Variants in NLRP7 observed in about 807,000 individuals in gnomAD.
NLRP7 encodes NLR family pyrin domain containing 7, also known as NACHT, LRR and PYD domains-containing protein 7.
Under a neutral mutation model 85.5 loss-of-function variants are expected in NLRP7, and 72 were observed. The observed-to-expected ratio is 0.84, with a 90% CI of 0.70 to 1.02. NLRP7 has a LOEUF of 1.02. Ranked by LOEUF, NLRP7 falls within the 50% of genes least tolerant of loss-of-function variation. The pLI is 0.00. For missense variants in NLRP7, 1,243 were observed against 1,219.5 expected, an observed-to-expected ratio of 1.02 and a Z score of -0.29; for synonymous variants, 550 against 505.2, an observed-to-expected ratio of 1.09 and a Z score of -1.19.
chr19:54,958,363 C>G (rs769950932), intron 1 of NLRP7, among the ~76,000 whole-genome samples: 1 of 151,944 alleles, frequency 6.6e-6, no homozygotes, highest in Non-Finnish European at 1.5e-5. Context: ...CTAGTATTGC[C>G]GGGTGCAGTG....
At chr19:54,954,550 A>C (rs909455186) in intron 1 of NLRP7, among the ~76,000 whole-genome samples, 2 of 150,662 alleles carry the variant, frequency 1.3e-5, no homozygotes, top group Non-Finnish European at 3.0e-5. Context: ...AAAAAAAAAA[A>C]AAGGGCAACC....
At chr19:54,938,852 T>C in intron 4 of NLRP7, 36 bp downstream of exon 4, 4 of 1,610,852 alleles carry the variant, frequency 2.5e-6, no homozygotes, top group Non-Finnish European at 3.4e-6. Flanking sequence ...GCTGGCCTCT[T>C]CCTAGTGGAG....
Position 54,934,440 on chromosome 19 carries a change from T to C in NLRP7, c.2471+49A>G. ...AAGTCAGGTGTTACCCTTTCTCTTCTATAGCCCCAGAACTAAACCAGAGCT... is the reference window on the plus strand; with the variant it reads ...AAGTCAGGTGTTACCCTTTCTCTTCCATAGCCCCAGAACTAAACCAGAGCT... On this transcript the variant is annotated intron_variant, in intron 7 of 9. Transcript: ENST00000340844. This position sits in a 1 kb window ranked among gnomAD's most constrained non-coding sequence, Gnocchi z 6.7. 6.3e-7 allele frequency: 1 copy of C among 1,596,558 alleles called. No homozygotes were observed. Among genetic ancestry groups the C allele is most frequent in the South Asian group, 1.1e-5 (1 of 90,704 alleles).
chr19:54,930,503 G>T lies in NLRP7; in HGVS notation c.2806C>A (p.Leu936Ile), dbSNP rs147507421. The change falls in exon 9 of 10, where the codon CTA (leucine) becomes ATA (isoleucine). Residue 936 changes from leucine (L) to isoleucine (I), a missense_variant. Leu to Ile is a conservative substitution (Grantham distance 5). Coordinates refer to ENST00000340844, the Ensembl canonical transcript of NLRP7. ...AAGAAAAAGAAAATCGCCTACCGTA[G>T]GTGTTTTAGGTTACAGTTTGGATTC... 5.3e-5 allele frequency: 85 copies of T among 1,602,534 alleles called. No individual in the cohort carries two copies. In the African/African-American group the frequency reaches 1.1e-3, roughly 21 times the overall value.
Position 54,928,087 on chromosome 19 carries a change from G to T in NLRP7, c.2810+2412C>A, listed in dbSNP as rs269936. 0.55 allele frequency among the ~76,000 whole-genome samples: 84,170 copies of T among 151,762 alleles called. 23,567 individuals are homozygous for T. The highest frequency in any genetic ancestry group is 0.71 in the East Asian group (3,681 of 5,152). ...TACAAAAAATTAGCCATGCATGGTG[G>T]TGTGTGCCTTTAATGCTAGCTACTT... On this transcript the variant is annotated intron_variant, in intron 9 of 9. Transcript: ENST00000340844.
chr19:54,956,407 G>A (rs1272368049), intron 1 of NLRP7, among the ~76,000 whole-genome samples: 1 of 151,642 alleles, frequency 6.6e-6, no homozygotes, highest in Admixed American at 6.6e-5. Flanking sequence ...AGGAAAAACA[G>A]GACTGGGTAT....
intron 5 of NLRP7, among the ~76,000 whole-genome samples, chr19:54,936,904 G>T (rs143357589): frequency 0.023 from 3,519 of 150,584 alleles, 64 homozygotes; most frequent in Admixed American, 0.042. Context: ...AACAGAGCAA[G>T]ACTCCATCTC....
intron 1 of NLRP7, among the ~76,000 whole-genome samples, chr19:54,963,966 C>T (rs1383895250): frequency 1.3e-5 from 2 of 150,018 alleles, no homozygotes; most frequent in Admixed American, 6.6e-5. Context: ...CTGCAACCTC[C>T]GCCTCCTGGG....
chr19:54,954,254 G>A (rs956493050), intron 1 of NLRP7, among the ~76,000 whole-genome samples: 5 of 148,490 alleles, frequency 3.4e-5, no homozygotes, highest in East Asian at 2.0e-4. Flanking sequence ...CCGGCCGGGC[G>A]CGGTGGTCAC....
chr19:54,949,201 C>T (rs2069591476), upstream of NLRP7, among the ~76,000 whole-genome samples: 1 of 151,706 alleles, frequency 6.6e-6, no homozygotes, highest in Admixed American at 6.6e-5. Flanking sequence ...TTGATTGAAC[C>T]TGGGAGTTGG....
chr19:54,940,147 T>C (rs1412743706), exon 4 of NLRP7: 3 of 1,614,076 alleles, frequency 1.9e-6, no homozygotes, highest in African/African-American at 1.3e-5. Context: ...AGATCAGCTC[T>C]GCAAAACTGC....
intron 1 of NLRP7, among the ~76,000 whole-genome samples, chr19:54,953,744 T>C (rs1360209470): frequency 1.3e-5 from 2 of 151,892 alleles, no homozygotes; most frequent in Non-Finnish European, 2.9e-5. Context: ...GGCTCACACC[T>C]GTAATCCCAG....
At chr19:54,956,711 G>A (rs146734122) in intron 1 of NLRP7, among the ~76,000 whole-genome samples, 4,552 of 150,856 alleles carry the variant, frequency 0.03, 77 homozygotes, top group Middle Eastern at 0.048. Context: ...AAAAAAGGCC[G>A]GGCGCAGTGG....
intron 1 of NLRP7, among the ~76,000 whole-genome samples, chr19:54,963,714 T>A (rs1344990922): frequency 6.6e-6 from 1 of 150,814 alleles, no homozygotes; most frequent in Non-Finnish European, 1.5e-5. Flanking sequence ...ATCCCAGCTA[T>A]TCAGGAGGCT....
intron 8 of NLRP7, among the ~76,000 whole-genome samples, chr19:54,931,589 G>C (rs2146175420): frequency 6.6e-6 from 1 of 152,228 alleles, no homozygotes; most frequent in South Asian, 2.1e-4. Context: ...TCAGGAGGCT[G>C]AGGCAGGAGA....
At position 54,942,614 on chromosome 19, in the gene NLRP7, C is replaced by T. The variant is rs112546209; in HGVS notation, c.-39-864G>A. Reference sequence around the variant, plus strand: ...CTGTAATCCCAGCTACTCAGGAGGCCGAGACAGGAGAATCACACTTGAACC... The same window carrying T: ...CTGTAATCCCAGCTACTCAGGAGGCTGAGACAGGAGAATCACACTTGAACC... On this transcript the variant is annotated intron_variant, in intron 1 of 9. Transcript: ENST00000340844. 6.1e-3 allele frequency among the ~76,000 whole-genome samples: 923 copies of T among 151,768 alleles called. 15 individuals carry two copies. Among genetic ancestry groups the T allele is most frequent in the African/African-American group, 0.022 (893 of 41,402 alleles).
rs548503018 is a variant in NLRP7, at chr19:54,964,041, G to C, written c.-77+1999C>G. Reference sequence around the variant, plus strand: ...ATTACAGGCACCCGCCACCACGCCCGACTAATTTTTTGTATTTTTAGTTGA... The same window carrying C: ...ATTACAGGCACCCGCCACCACGCCCCACTAATTTTTTGTATTTTTAGTTGA... On this transcript the variant is annotated intron_variant, in intron 1 of 2. Transcript: ENST00000587103. 5.5e-4 allele frequency among the ~76,000 whole-genome samples: 82 copies of C among 148,826 alleles called. 1 individual carries two copies. Among genetic ancestry groups the C allele is most frequent in the Admixed American group, 1.0e-3 (15 of 14,846 alleles).
chr19:54,946,687 TG>T (rs1431495573), intron 1 of NLRP7, among the ~76,000 whole-genome samples: 2 of 152,038 alleles, frequency 1.3e-5, no homozygotes, highest in Non-Finnish European at 2.9e-5. Flanking sequence ...TCTCCCAGGC[TG>T]GAGTGCAGTG....
intron 1 of NLRP7, among the ~76,000 whole-genome samples, chr19:54,963,911 C>T (rs1301236290): frequency 8.1e-5 from 12 of 148,786 alleles, no homozygotes; most frequent in African/African-American, 2.7e-4. Context: ...GACGGAGTCT[C>T]ACTCTGTCGC....
Sources: allele counts gnomAD v4.1 joint callset (sites outside exome capture counted in the v4.1 genomes callset), GRCh38; gene constraint gnomAD v4.1.1; non-coding constraint Gnocchi (gnomAD v3.1); transcripts MANE v1.5; gene names NCBI Gene and HGNC (gene_info 2026-07-23, HGNC 2026-07-21).